Variants in TANK observed in about 807,000 individuals in gnomAD.
The protein encoded by TANK is TRAF family member associated NFKB activator.
Under a neutral mutation model 43.6 loss-of-function variants are expected in TANK, and 15 were observed. That is an observed-to-expected ratio of 0.34 (90% CI 0.23 to 0.53). The LOEUF is 0.53. Among genes scored for constraint, TANK ranks in the 20% least tolerant of loss-of-function variants. TANK has a pLI of 0.94. For missense variants in TANK, 417 were observed against 498.6 expected (o/e 0.84, Z 1.56); for synonymous variants, 162 against 178.2 (o/e 0.91, Z 0.73).
intron 1 of TANK, among the ~76,000 whole-genome samples, chr2:161,144,543 T>C (rs1474799941): frequency 3.2e-4 from 48 of 152,240 alleles, no homozygotes; most frequent in Admixed American, 3.1e-3. Flanking sequence ...GATTTCTGCC[T>C]TAATTTCATT....
At chr2:161,222,385 TATTAA>T (rs1199809679) in intron 4 of TANK, among the ~76,000 whole-genome samples, 2 of 149,128 alleles carry the variant, frequency 1.3e-5, no homozygotes, top group African/African-American at 2.4e-5. Flanking sequence ...TTGTTTGACA[TATTAA>T]ATTATCAAAT....
intron 1 of TANK, among the ~76,000 whole-genome samples, chr2:161,171,980 CTTA>C (rs1684960744): frequency 6.6e-6 from 1 of 151,984 alleles, no homozygotes; most frequent in African/African-American, 2.4e-5. Context: ...TTAGTACTAC[CTTA>C]TTATTTATTT....
At chr2:161,230,862 C>T in intron 6 of TANK, 109 bp from the exon 7 acceptor site, 1 of 853,194 alleles carries the variant, frequency 1.2e-6, no homozygotes, top group East Asian at 2.7e-5. Context: ...TCTTCATTTG[C>T]TATAAAAACC....
intron 2 of TANK, among the ~76,000 whole-genome samples, chr2:161,185,534 A>T (rs1056948653): frequency 6.6e-6 from 1 of 151,626 alleles, no homozygotes; most frequent in African/African-American, 2.4e-5. Flanking sequence ...AAGAATATAT[A>T]ACATAGCAGA....
In TANK at chr2:161,161,298, C is replaced by T. The variant is rs1216200942; in HGVS notation, c.-50+812C>T. ...CTCACCTCACAGGAGATGCTTTTGA[C>T]AAGTTATAATAAGGGAGAGATGGTA... On this transcript the variant is annotated intron_variant, in intron 1 of 7. Transcript: ENST00000392749. 4 of 1,550,292 alleles carry T rather than the reference C, an allele frequency of 2.6e-6. No homozygotes were observed. The South Asian group carries it at 3.6e-5, about 14-fold the overall frequency.
chr2:161,145,081 T>G (rs192220973), intron 1 of TANK, among the ~76,000 whole-genome samples: 1 of 151,864 alleles, frequency 6.6e-6, no homozygotes, highest in East Asian at 1.9e-4. Flanking sequence ...TGATCTTTGT[T>G]GGTTTAATGT....
Position 161,204,684 on chromosome 2 carries a change from A to G in TANK, c.218A>G (p.Tyr73Cys), listed in dbSNP as rs774528804. 2 of 1,608,806 alleles carry G rather than the reference A, an allele frequency of 1.2e-6. No individual in the cohort carries two copies. Among genetic ancestry groups the G allele is most frequent in the Non-Finnish European group, 1.7e-6 (2 of 1,178,004 alleles). ...LLVNSTQDNN[Y>C]GCVPLLEDSE... ...GGTTTTTGTCTTGCAGATAACAATT[A>G]TGGCTGTGTTCCTCTGCTTGAAGAC... Residue 73 changes from tyrosine (Y) to cysteine (C), a missense_variant, in exon 4 of 8, where the codon TAT becomes TGT. By Grantham distance (194) the Tyr-to-Cys change is radical. Transcript: ENST00000392749.
At chr2:161,157,873 G>A (rs1684266693), upstream of TANK, among the ~76,000 whole-genome samples, 1 of 152,066 alleles carries the variant, frequency 6.6e-6, no homozygotes, top group Non-Finnish European at 1.5e-5. Flanking sequence ...CAGCAGAAAC[G>A]GGTTTTCACC....
chr2:161,192,777 A>C (rs1037900810), intron 2 of TANK, among the ~76,000 whole-genome samples: 1 of 152,230 alleles, frequency 6.6e-6, no homozygotes, highest in Non-Finnish European at 1.5e-5. Context: ...CAGCCCTACA[A>C]AAGTAGACAT....
chr2:161,175,715 T>A (rs1165001492), intron 1 of TANK, among the ~76,000 whole-genome samples: 4 of 152,100 alleles, frequency 2.6e-5, no homozygotes, highest in Non-Finnish European at 5.9e-5. Flanking sequence ...TTTCTTGGTG[T>A]TTCTTCATGG....
chr2:161,212,735 TA>T, intron 4 of TANK: 1 of 984,952 alleles, frequency 1.0e-6, no homozygotes, highest in Admixed American at 6.1e-5. Context: ...ATAGAGTCGA[TA>T]AGAGTCTATC....
intron 7 of TANK, among the ~76,000 whole-genome samples, chr2:161,231,889 C>T (rs1226760908): frequency 6.6e-6 from 1 of 152,168 alleles, no homozygotes; most frequent in Admixed American, 6.5e-5. Flanking sequence ...TAGTGTGAAA[C>T]AAATGCTGTT....
chr2:161,160,055 T>A (rs571026770), upstream of TANK: 20 of 190,830 alleles, frequency 1.0e-4, no homozygotes, highest in Non-Finnish European at 1.8e-4. Context: ...GAAACTACAT[T>A]TTGTTTCTCA....
chr2:161,200,744 C>T (rs917316894), intron 2 of TANK, among the ~76,000 whole-genome samples: 1 of 151,310 alleles, frequency 6.6e-6, no homozygotes, highest in Non-Finnish European at 1.5e-5. Flanking sequence ...AAGCATTCCT[C>T]CATTCCTTCA....
At chr2:161,230,478 C>A (rs1341348560) in intron 6 of TANK, among the ~76,000 whole-genome samples, 1 of 152,182 alleles carries the variant, frequency 6.6e-6, no homozygotes, top group Non-Finnish European at 1.5e-5. Context: ...AACCACCAGT[C>A]CCTCACATGG....
intron 3 of TANK, among the ~76,000 whole-genome samples, chr2:161,204,380 A>T (rs1307918138): frequency 6.6e-6 from 1 of 152,216 alleles, no homozygotes; most frequent in Non-Finnish European, 1.5e-5. Context: ...ATGTGAATAT[A>T]AAAGTTGAAT....
At chr2:161,170,547 A>G (rs995835825) in intron 1 of TANK, among the ~76,000 whole-genome samples, 3 of 152,184 alleles carry the variant, frequency 2.0e-5, no homozygotes, top group African/African-American at 7.2e-5. Flanking sequence ...TTTGTATAGC[A>G]TTTTATAGTG....
At chr2:161,145,416 G>A (rs1408095946) in intron 1 of TANK, among the ~76,000 whole-genome samples, 1 of 151,748 alleles carries the variant, frequency 6.6e-6, no homozygotes, top group African/African-American at 2.4e-5. Context: ...TTTTTTCATA[G>A]TGTCATTGGT....
chr2:161,215,462 T>C (rs1425524149), intron 4 of TANK, among the ~76,000 whole-genome samples: 2 of 152,208 alleles, frequency 1.3e-5, no homozygotes. Flanking sequence ...TAGAGCAGAC[T>C]CTGAATTTTG....
Sources: allele counts gnomAD v4.1 joint callset (sites outside exome capture counted in the v4.1 genomes callset), GRCh38; gene constraint gnomAD v4.1.1; transcripts MANE v1.5; gene names NCBI Gene and HGNC (gene_info 2026-07-23, HGNC 2026-07-21).